Variants in FOXP2 observed in about 807,000 individuals in gnomAD.
FOXP2 encodes forkhead box P2.
In FOXP2, 12 loss-of-function variants were observed where a neutral mutation model predicts 115.8. That is an observed-to-expected ratio of 0.10 (90% CI 0.07 to 0.17). The LOEUF (loss-of-function observed/expected upper bound fraction) is 0.17, where lower values mean the gene tolerates loss of function less well. Ranked by LOEUF, FOXP2 falls within the 10% of genes least tolerant of loss-of-function variation. The probability of loss-of-function intolerance (pLI) is 1.00; values close to 1 mark genes in which losing one functional copy is unlikely to be tolerated. For missense variants in FOXP2, 629 were observed against 843.5 expected (o/e 0.75, Z 3.15); for synonymous variants, 328 against 297.7 (o/e 1.10, Z -1.05).
intron 2 of FOXP2, among the ~76,000 whole-genome samples, chr7:114,482,663 A>G (rs1028822489): frequency 1.3e-5 from 2 of 151,552 alleles, no homozygotes; most frequent in African/African-American, 4.8e-5. Flanking sequence ...CAATGAACAC[A>G]TGTAGATATA....
In FOXP2 at chr7:114,270,968, A is replaced by AT. The variant is rs575971464; in HGVS notation, c.-101-17041dup. On this transcript the variant is annotated intron_variant, in intron 1 of 17. Coordinates refer to the FOXP2 transcript ENST00000634411. ...GAGTTAAAGGTCTGTGTCTCAATTC[A>AT]TTTTTTTTTTGTATGTGGATGTCTA... 4.0e-4 allele frequency among the ~76,000 whole-genome samples: 59 copies of AT among 148,420 alleles called. No individual in the cohort carries two copies. In the South Asian group the frequency reaches 4.3e-3, roughly 11 times the overall value.
At chr7:114,102,696 C>CCACACACACACACACACA (rs10624558) in intron 1 of FOXP2, among the ~76,000 whole-genome samples, 2,111 of 136,384 alleles carry the variant, frequency 0.015, 48 homozygotes, top group African/African-American at 0.048. Context: ...ACACCACACA[C>CCACACACACACACACACA]CACACACACA....
At chr7:114,190,969 C>A (rs181800974) in intron 1 of FOXP2, among the ~76,000 whole-genome samples, 1 of 152,188 alleles carries the variant, frequency 6.6e-6, no homozygotes, top group Admixed American at 6.5e-5. Context: ...CAGTCCTCTT[C>A]CAGAGGTACC....
chr7:114,441,293 C>CA (rs1186373435), intron 2 of FOXP2, among the ~76,000 whole-genome samples: 8 of 150,676 alleles, frequency 5.3e-5, no homozygotes, highest in East Asian at 2.0e-4. Flanking sequence ...ACTAAAAATA[C>CA]AAAAAAAAAT....
Position 114,415,343 on chromosome 7 carries a change from C to G in FOXP2, c.-28C>G. ...TGAAGTTGAAACCGGGAAGTTTGCTCTAACATTTCCAGAGAAGGTACGTTA... is the reference window on the plus strand; with the variant it reads ...TGAAGTTGAAACCGGGAAGTTTGCTGTAACATTTCCAGAGAAGGTACGTTA... On this transcript the variant is annotated 5_prime_UTR_variant, in exon 1 of 17. Coordinates refer to ENST00000350908, the MANE Select transcript of FOXP2 (RefSeq NM_014491.4). The G allele has an allele frequency of 2.2e-6, 1 of 451,342 alleles. No individual in the cohort carries two copies. The highest frequency in any genetic ancestry group is 4.4e-6 in the Non-Finnish European group (1 of 225,982). 28.0% of individuals were successfully genotyped at this position (451,342 alleles called of 1,614,324 possible). A position where few individuals can be genotyped will look rare whatever the true frequency, so the allele number is the denominator to read the frequency against.
intron 2 of FOXP2, among the ~76,000 whole-genome samples, chr7:114,509,266 T>G (rs552791963): frequency 6.6e-6 from 1 of 151,578 alleles, no homozygotes; most frequent in East Asian, 2.0e-4. Flanking sequence ...TTAATGGTTT[T>G]TTTGTTTGTT....
intron 1 of FOXP2, among the ~76,000 whole-genome samples, chr7:114,269,767 C>T (rs1795988908): frequency 1.3e-5 from 2 of 152,076 alleles, no homozygotes; most frequent in Non-Finnish European, 1.5e-5. Context: ...ACATGCACTT[C>T]AGAATTATGT....
intron 2 of FOXP2, among the ~76,000 whole-genome samples, chr7:114,333,548 T>C (rs534767509): frequency 1.3e-5 from 2 of 152,122 alleles, no homozygotes; most frequent in African/African-American, 2.4e-5. Context: ...AGACCAGGAG[T>C]TCGAGATCAG....
intron 1 of FOXP2, among the ~76,000 whole-genome samples, chr7:114,147,312 G>GC (rs1792398291): frequency 6.6e-6 from 1 of 151,866 alleles, no homozygotes; most frequent in African/African-American, 2.4e-5. Context: ...TTTTTATTTG[G>GC]CTGTCCCCAG....
At chr7:114,253,576 T>C (rs1052108034) in intron 1 of FOXP2, among the ~76,000 whole-genome samples, 21 of 152,290 alleles carry the variant, frequency 1.4e-4, no homozygotes, top group African/African-American at 5.1e-4. Flanking sequence ...TGATCTTTGT[T>C]GGTTTAAAGT....
At chr7:114,202,163 CTTTATT>C (rs1563003454) in intron 1 of FOXP2, among the ~76,000 whole-genome samples, 2 of 152,264 alleles carry the variant, frequency 1.3e-5, no homozygotes, top group African/African-American at 4.8e-5. Flanking sequence ...GGCATCATGT[CTTTATT>C]TTTATTTGGA....
At chr7:114,406,265 T>C (rs1031066656) in intron 2 of FOXP2, among the ~76,000 whole-genome samples, 5 of 151,974 alleles carry the variant, frequency 3.3e-5, no homozygotes, top group African/African-American at 1.2e-4. Context: ...GAAAAAAACA[T>C]ATTTTGCTCC....
At chr7:114,632,733 ATCT>A (rs1218658719) in intron 6 of FOXP2, among the ~76,000 whole-genome samples, 1 of 152,082 alleles carries the variant, frequency 6.6e-6, no homozygotes, top group Admixed American at 6.6e-5. Flanking sequence ...TTGACTTCAA[ATCT>A]TCTAATTCAC....
At chr7:114,180,033 C>T (rs1793417255) in intron 1 of FOXP2, among the ~76,000 whole-genome samples, 1 of 151,944 alleles carries the variant, frequency 6.6e-6, no homozygotes, top group South Asian at 2.1e-4. Flanking sequence ...CTTTGAGGAT[C>T]CATGCTAGAC....
intron 2 of FOXP2, among the ~76,000 whole-genome samples, chr7:114,492,100 G>T (rs1055887616): frequency 4.1e-4 from 63 of 152,150 alleles, no homozygotes; most frequent in Non-Finnish European, 7.3e-4. Context: ...TCTGTTATTG[G>T]TCTATTCAGA....
At chr7:114,584,423 T>C (rs549547173) in intron 3 of FOXP2, among the ~76,000 whole-genome samples, 51 of 152,308 alleles carry the variant, frequency 3.3e-4, no homozygotes, top group African/African-American at 1.2e-3. Context: ...CAACACATGC[T>C]CTCAAAAACT....
At chr7:114,277,055 A>C (rs561512507) in intron 1 of FOXP2, among the ~76,000 whole-genome samples, 23 of 152,108 alleles carry the variant, frequency 1.5e-4, no homozygotes, top group Non-Finnish European at 1.5e-4. Context: ...CTCCTCTATC[A>C]TAGGAGCTCC....
At chr7:114,638,679 T>G (rs985066893) in intron 6 of FOXP2, among the ~76,000 whole-genome samples, 1 of 152,194 alleles carries the variant, frequency 6.6e-6, no homozygotes, top group Non-Finnish European at 1.5e-5. Context: ...CCTTTGGAGC[T>G]TCAAAAACTA....
intron 2 of FOXP2, among the ~76,000 whole-genome samples, chr7:114,502,381 A>G (rs913976769): frequency 2.0e-5 from 3 of 152,108 alleles, no homozygotes; most frequent in Middle Eastern, 3.2e-3. Flanking sequence ...GTTCTTATCT[A>G]TCCCAAATTA....
Sources: allele counts gnomAD v4.1 joint callset (sites outside exome capture counted in the v4.1 genomes callset), GRCh38; gene constraint gnomAD v4.1.1; transcripts MANE v1.5; gene names NCBI Gene and HGNC (gene_info 2026-07-23, HGNC 2026-07-21).